Variants in DLG2 observed in about 807,000 individuals in gnomAD.
DLG2 encodes discs large MAGUK scaffold protein 2, also known as disks large homolog 2.
A neutral mutation model predicts 132.5 loss-of-function variants in DLG2; 45 were observed. The observed-to-expected ratio is 0.34, with a 90% CI of 0.27 to 0.44. The LOEUF (loss-of-function observed/expected upper bound fraction) is 0.44, where lower values mean the gene tolerates loss of function less well. Among genes scored for constraint, DLG2 ranks in the 20% least tolerant of loss-of-function variants. The pLI, the probability that DLG2 is intolerant of heterozygous loss-of-function variation, is 1.00. For missense variants in DLG2, 1,045 were observed against 1,196.9 expected, an observed-to-expected ratio of 0.87 and a Z score of 1.87; for synonymous variants, 424 against 419.6, an observed-to-expected ratio of 1.01 and a Z score of -0.13.
intron 3 of DLG2, among the ~76,000 whole-genome samples, chr11:85,323,233 T>C (rs1211384786): frequency 6.6e-6 from 1 of 152,206 alleles, no homozygotes; most frequent in Non-Finnish European, 1.5e-5. Flanking sequence ...ACTAACAGTC[T>C]CCTAAAATAT....
At chr11:84,692,697 C>A (rs1017055559) in intron 6 of DLG2, among the ~76,000 whole-genome samples, 1 of 151,572 alleles carries the variant, frequency 6.6e-6, no homozygotes, top group Non-Finnish European at 1.5e-5. Context: ...AAACACTATG[C>A]AAAGAGCTTT....
intron 8 of DLG2, among the ~76,000 whole-genome samples, chr11:84,206,926 C>T (rs1036785991): frequency 9.9e-5 from 15 of 151,760 alleles, no homozygotes; most frequent in African/African-American, 2.4e-4. Flanking sequence ...AATTCAGTAA[C>T]GTCTTAGGAT....
intron 19 of DLG2, among the ~76,000 whole-genome samples, chr11:83,615,860 C>T (rs1424549175): frequency 6.6e-6 from 1 of 152,296 alleles, no homozygotes; most frequent in East Asian, 1.9e-4. Flanking sequence ...AGAAACACAG[C>T]CTGCTGATAC....
chr11:85,446,285 A>C (rs1377293309), intron 3 of DLG2, among the ~76,000 whole-genome samples: 1 of 152,234 alleles, frequency 6.6e-6, no homozygotes, highest in Non-Finnish European at 1.5e-5. Context: ...TGAAAGATCA[A>C]ATCTAGAATA....
At chr11:83,627,420 G>A (rs2062766923) in intron 19 of DLG2, among the ~76,000 whole-genome samples, 2 of 151,530 alleles carry the variant, frequency 1.3e-5, no homozygotes, top group Non-Finnish European at 1.5e-5. Flanking sequence ...GTGTCCATGT[G>A]TTCTCATTGT....
At chr11:84,587,904 C>G (rs541286791) in intron 6 of DLG2, among the ~76,000 whole-genome samples, 1 of 152,206 alleles carries the variant, frequency 6.6e-6, no homozygotes, top group Non-Finnish European at 1.5e-5. Flanking sequence ...TTCATGCCTC[C>G]TTACAGCTCA....
At chr11:83,520,322 G>A (rs1381210477) in intron 21 of DLG2, among the ~76,000 whole-genome samples, 2 of 152,094 alleles carry the variant, frequency 1.3e-5, no homozygotes, top group South Asian at 2.1e-4. Context: ...ACTGCATTAC[G>A]GTTATCACTA....
At chr11:85,409,101 G>C (rs1026797404) in intron 3 of DLG2, among the ~76,000 whole-genome samples, 1 of 151,934 alleles carries the variant, frequency 6.6e-6, no homozygotes, top group Non-Finnish European at 1.5e-5. Flanking sequence ...TATTGGTTAA[G>C]ACAGCTTGTG....
chr11:83,655,503 G>C (rs2072094495), intron 18 of DLG2, among the ~76,000 whole-genome samples: 1 of 152,162 alleles, frequency 6.6e-6, no homozygotes, highest in Non-Finnish European at 1.5e-5. Flanking sequence ...CTTGGGAGCA[G>C]ATGGATTAAT....
chr11:85,283,184 C>T (rs937174117), intron 4 of DLG2, among the ~76,000 whole-genome samples: 1 of 151,712 alleles, frequency 6.6e-6, no homozygotes, highest in African/African-American at 2.4e-5. Context: ...ACCCCTGTGA[C>T]ATGAGTTTAC....
At chr11:85,053,477 T>G (rs960040106) in intron 6 of DLG2, among the ~76,000 whole-genome samples, 1 of 151,830 alleles carries the variant, frequency 6.6e-6, no homozygotes, top group African/African-American at 2.4e-5. Context: ...TCTTAAAACC[T>G]GGCAGACAGG....
chr11:85,268,020 T>A (rs1409268189), intron 4 of DLG2, among the ~76,000 whole-genome samples: 1 of 152,160 alleles, frequency 6.6e-6, no homozygotes, highest in Non-Finnish European at 1.5e-5. Flanking sequence ...TTACTTTCAT[T>A]TATTGAAGGT....
chr11:83,754,542 C>T (rs1210457971), intron 18 of DLG2, among the ~76,000 whole-genome samples: 2 of 151,418 alleles, frequency 1.3e-5, no homozygotes, highest in Non-Finnish European at 2.9e-5. Context: ...AGGTAGAGGT[C>T]TCCTATCCTT....
At position 83,457,343 on chromosome 11, in the gene DLG2, T is replaced by G. The variant is rs139316095; in HGVS notation, c.*2475A>C. 3 of 152,724 alleles carry G rather than the reference T, an allele frequency of 2.0e-5. No individual in the cohort carries two copies. The highest frequency in any genetic ancestry group is 4.4e-5 in the Non-Finnish European group (3 of 68,036). The allele number at this position is 152,724 out of a possible 1,614,324, so 9.5% of individuals were successfully genotyped here. A position where few individuals can be genotyped will look rare whatever the true frequency, so the allele number is the denominator to read the frequency against. On this transcript the variant is annotated 3_prime_UTR_variant, in exon 28 of 28. Coordinates refer to ENST00000376104, the MANE Select transcript of DLG2 (RefSeq NM_001142699.3). Reference sequence around the variant, plus strand: ...GGGAAGTGCAAGACAACACAACAAATGGAGGTGTAAATTCTATTGGAAAAG... The same window carrying G: ...GGGAAGTGCAAGACAACACAACAAAGGGAGGTGTAAATTCTATTGGAAAAG...
intron 17 of DLG2, among the ~76,000 whole-genome samples, chr11:83,812,891 A>C (rs1199526332): frequency 6.6e-6 from 1 of 152,172 alleles, no homozygotes; most frequent in Non-Finnish European, 1.5e-5. Context: ...CAGAAGGCCA[A>C]TGCCCATTCC....
chr11:84,850,636 T>C (rs959626446), intron 6 of DLG2, among the ~76,000 whole-genome samples: 7 of 152,082 alleles, frequency 4.6e-5, no homozygotes, highest in African/African-American at 1.7e-4. Context: ...GATGACATAA[T>C]TTATACAGAG....
At chr11:84,505,388 C>G (rs1193951796) in intron 7 of DLG2, among the ~76,000 whole-genome samples, 1 of 152,130 alleles carries the variant, frequency 6.6e-6, no homozygotes, top group African/African-American at 2.4e-5. Context: ...TAAGTGCTTT[C>G]TCCATTTTTG....
At chr11:83,769,142 C>T (rs1489859223) in intron 18 of DLG2, among the ~76,000 whole-genome samples, 1 of 152,120 alleles carries the variant, frequency 6.6e-6, no homozygotes, top group Admixed American at 6.6e-5. Context: ...ATCCTTGAAC[C>T]CAGTTCATTC....
At chr11:84,429,872 T>C (rs1347625163) in intron 7 of DLG2, among the ~76,000 whole-genome samples, 1 of 152,162 alleles carries the variant, frequency 6.6e-6, no homozygotes, top group Non-Finnish European at 1.5e-5. Flanking sequence ...AAAAATGCAA[T>C]TAAAGTTTTG....
Sources: gnomAD v4.1 joint callset for allele counts (sites outside exome capture counted in the v4.1 genomes callset) on GRCh38, gnomAD v4.1.1 for gene constraint, MANE v1.5 for transcripts, NCBI Gene and HGNC (gene_info 2026-07-23, HGNC 2026-07-21) for gene names.